NFILZ: variants seen among roughly 807,000 people sequenced by gnomAD.
NFILZ encodes the protein NFIL3 like protein.
intron 3 of NFILZ, among the ~76,000 whole-genome samples, chr19:8,640,833 C>A (rs1391265201): frequency 6.6e-6 from 1 of 152,142 alleles, no homozygotes; most frequent in African/African-American, 2.4e-5. Context: ...GTGAGGAGAA[C>A]CTCCTTGGGC....
chr19:8,647,216 T>C (rs2042942565), intron 3 of NFILZ, among the ~76,000 whole-genome samples: 1 of 152,134 alleles, frequency 6.6e-6, no homozygotes, highest in South Asian at 2.1e-4. Context: ...TGCCCATCAA[T>C]GATAGACTGG....
At chr19:8,663,762 G>GTA (rs2043048256) in intron 3 of NFILZ, among the ~76,000 whole-genome samples, 7 of 137,836 alleles carry the variant, frequency 5.1e-5, no homozygotes, top group African/African-American at 1.8e-4. Context: ...GTGTGTGTGT[G>GTA]TGTGTGTGTA....
intron 3 of NFILZ, among the ~76,000 whole-genome samples, chr19:8,662,381 G>C (rs2146162570): frequency 6.6e-6 from 1 of 152,056 alleles, no homozygotes; most frequent in South Asian, 2.1e-4. Flanking sequence ...CATTGGAGGA[G>C]AAAGACCTAA....
chr19:8,633,797 A>G (rs1226403045), intron 2 of NFILZ, among the ~76,000 whole-genome samples: 1 of 152,106 alleles, frequency 6.6e-6, no homozygotes, highest in Non-Finnish European at 1.5e-5. Flanking sequence ...GAGGCTGGAC[A>G]GGAGGTTGTG....
At chr19:8,639,839 C>T (rs575358676) in intron 3 of NFILZ, among the ~76,000 whole-genome samples, 5 of 152,138 alleles carry the variant, frequency 3.3e-5, no homozygotes, top group South Asian at 4.2e-4. Flanking sequence ...TGTCTCTGGG[C>T]GGCAGCTGAG....
chr19:8,663,324 G>C (rs1555749351), intron 3 of NFILZ, among the ~76,000 whole-genome samples: 1 of 151,344 alleles, frequency 6.6e-6, no homozygotes, highest in African/African-American at 2.4e-5. Context: ...GGGGGTGAGA[G>C]AAAAAGAGGA....
At chr19:8,653,132 A>AGCGC (rs1555747974) in intron 3 of NFILZ, among the ~76,000 whole-genome samples, 1 of 146,792 alleles carries the variant, frequency 6.8e-6, no homozygotes, top group African/African-American at 2.5e-5. Context: ...CCCAGGCTGG[A>AGCGC]GCGCAATGGT....
At chr19:8,656,447 A>C (rs77930260) in intron 3 of NFILZ, among the ~76,000 whole-genome samples, 14,009 of 47,762 alleles carry the variant, frequency 0.29, 1,059 homozygotes, top group South Asian at 0.38. Context: ...CTTCTCCTCG[A>C]AGCCCACCTT....
chr19:8,634,295 C>A lies in NFILZ; in HGVS notation c.-260-1355C>A, dbSNP rs1336829704. On this transcript the variant is annotated intron_variant, in intron 2 of 5. Coordinates refer to ENST00000691075, the MANE Select transcript of NFILZ (RefSeq NM_001378600.1). ...TACAGGCGTGAGCCACCCTGCCTGG[C>A]CTCTTTTTTTTTTCTTTTTGAGACA... 2.0e-5 allele frequency among the ~76,000 whole-genome samples: 3 copies of A among 151,974 alleles called. No individual in the cohort carries two copies. The East Asian group carries it at 5.8e-4, about 29-fold the overall frequency.
chr19:8,651,603 C>A (rs563824594), intron 3 of NFILZ, among the ~76,000 whole-genome samples: 6 of 152,316 alleles, frequency 3.9e-5, no homozygotes, highest in Admixed American at 3.3e-4. Flanking sequence ...GAGATCACAG[C>A]TCATTCCAGC....
intron 3 of NFILZ, among the ~76,000 whole-genome samples, chr19:8,642,453 AC>A (rs1555746739): frequency 6.6e-6 from 1 of 152,126 alleles, no homozygotes; most frequent in Non-Finnish European, 1.5e-5. Flanking sequence ...CCACTTATTA[AC>A]CCTTGATTCT....
In NFILZ at chr19:8,680,536, T is replaced by C. The variant is rs1359260900; in HGVS notation, c.*2901T>C. On this transcript the variant is annotated 3_prime_UTR_variant, in exon 6 of 6. Transcript: ENST00000691075. ...ATAAAGATAGTCTCCTATCTTTATGTTCCAGGTACTGGGGAAAGAGAAGTG... is the reference window on the plus strand; with the variant it reads ...ATAAAGATAGTCTCCTATCTTTATGCTCCAGGTACTGGGGAAAGAGAAGTG... Among the ~76,000 whole-genome samples the C allele has an allele frequency of 6.6e-6, 1 of 152,132 alleles. No homozygotes were observed. The highest frequency in any genetic ancestry group is 1.5e-5 in the Non-Finnish European group (1 of 68,024).
chr19:8,663,854 T>G (rs1039225008), intron 3 of NFILZ, among the ~76,000 whole-genome samples: 10 of 151,582 alleles, frequency 6.6e-5, no homozygotes, highest in Admixed American at 2.0e-4. Flanking sequence ...GGGACTCAGG[T>G]GCCTCGAAGA....
chr19:8,663,754 G>GTGTGTATGTGTGTGTGTA (rs1475816997), intron 3 of NFILZ, among the ~76,000 whole-genome samples: 1 of 117,542 alleles, frequency 8.5e-6, no homozygotes, highest in African/African-American at 4.8e-5. Context: ...GTGTGTGTGT[G>GTGTGTATGTGTGTGTGTA]TGTGTGTGTG....
chr19:8,661,289 A>G (rs937424762), intron 3 of NFILZ, among the ~76,000 whole-genome samples: 5 of 151,138 alleles, frequency 3.3e-5, no homozygotes, highest in Non-Finnish European at 7.4e-5. Context: ...CAGCCTCCCA[A>G]GTAGTTGGAA....
At chr19:8,676,152 T>C (rs1351058221) in intron 4 of NFILZ, among the ~76,000 whole-genome samples, 7 of 151,902 alleles carry the variant, frequency 4.6e-5, no homozygotes, top group Non-Finnish European at 1.0e-4. Context: ...GATGGACAAA[T>C]GGACAGTTGA....
Position 8,678,085 on chromosome 19 carries a change from CA to C in NFILZ, c.*451del. ...CTATTCATCCATCCATCAATCCATC[CA>C]TCCATTCCATCCATCCATCCATCCA... On this transcript the variant is annotated 3_prime_UTR_variant, in exon 6 of 6. Transcript: ENST00000691075. Among the ~76,000 whole-genome samples the C allele has an allele frequency of 4.2e-5, 2 of 47,522 alleles. No homozygotes were observed. The highest frequency in any genetic ancestry group is 2.7e-4 in the African/African-American group (2 of 7,284). 31.2% of individuals were successfully genotyped at this position (47,522 alleles called of 152,430 possible).
intron 3 of NFILZ, among the ~76,000 whole-genome samples, chr19:8,646,372 A>G (rs1436044131): frequency 6.6e-6 from 1 of 152,040 alleles, no homozygotes; most frequent in Non-Finnish European, 1.5e-5. Context: ...CATTGCACAG[A>G]TGAGGAAGCT....
intron 3 of NFILZ, among the ~76,000 whole-genome samples, chr19:8,661,320 G>A (rs2043031197): frequency 6.6e-6 from 1 of 151,278 alleles, no homozygotes; most frequent in Non-Finnish European, 1.5e-5. Context: ...GCACCACCAC[G>A]CCTGGCTAGT....
Sources: gnomAD v4.1 joint callset for allele counts (sites outside exome capture counted in the v4.1 genomes callset) on GRCh38, gnomAD v4.1.1 for gene constraint, MANE v1.5 for transcripts, NCBI Gene and HGNC (gene_info 2026-07-23, HGNC 2026-07-21) for gene names.